The following ADAMTS9 variants were observed in gnomAD, a reference collection of about 807,000 sequenced individuals.
ADAMTS9 encodes the protein ADAM metallopeptidase with thrombospondin type 1 motif 9.
ADAMTS9 carries 107 observed loss-of-function variants against 257.1 expected under a neutral mutation model. That is an observed-to-expected ratio of 0.42 (90% CI 0.36 to 0.49). ADAMTS9 has a LOEUF of 0.49. Ranked by LOEUF, ADAMTS9 falls within the 20% of genes least tolerant of loss-of-function variation. The probability of loss-of-function intolerance (pLI) is 0.03; values close to 1 mark genes in which losing one functional copy is unlikely to be tolerated. For missense variants in ADAMTS9, 2,353 were observed against 2,469.1 expected (o/e 0.95, Z 1.00); for synonymous variants, 982 against 880.9 (o/e 1.11, Z -2.03).
At chr3:64,571,937 G>A (rs555353888) in intron 28 of ADAMTS9, among the ~76,000 whole-genome samples, 1 of 152,292 alleles carries the variant, frequency 6.6e-6, no homozygotes, top group African/African-American at 2.4e-5. Context: ...ACATCACCAT[G>A]TGTCACTGAG....
chr3:64,618,926 A>G (rs1293046696), intron 19 of ADAMTS9, among the ~76,000 whole-genome samples: 1 of 152,110 alleles, frequency 6.6e-6, no homozygotes, highest in Non-Finnish European at 1.5e-5. Flanking sequence ...AATGCAGGAG[A>G]AACTTTGGAG....
At chr3:64,622,623 T>G in intron 16 of ADAMTS9, 37 bp from the exon 17 acceptor site, 3 of 1,596,276 alleles carry the variant, frequency 1.9e-6, no homozygotes, top group Non-Finnish European at 2.6e-6. Flanking sequence ...ATTGATCTGC[T>G]GTCAATGACT....
chr3:64,630,725 C>T (rs557531949), intron 16 of ADAMTS9, among the ~76,000 whole-genome samples: 8 of 152,258 alleles, frequency 5.3e-5, no homozygotes, highest in Admixed American at 2.0e-4. Context: ...CCATGGCACA[C>T]GTTTACCTAT....
intron 3 of ADAMTS9, among the ~76,000 whole-genome samples, chr3:64,669,005 C>T (rs1201057992): frequency 9.2e-5 from 14 of 152,156 alleles, no homozygotes; most frequent in Admixed American, 8.5e-4. Flanking sequence ...ATCACAATGT[C>T]CATGTTCCAT....
chr3:64,538,473 T>A (rs1259740580), intron 37 of ADAMTS9, among the ~76,000 whole-genome samples: 2 of 150,462 alleles, frequency 1.3e-5, no homozygotes, highest in African/African-American at 2.4e-5. Context: ...AGTTAAACAT[T>A]AAATTAAAAA....
chr3:64,621,767 A>AATAAAAAT (rs1361184584), intron 18 of ADAMTS9, among the ~76,000 whole-genome samples: 28 of 128,322 alleles, frequency 2.2e-4, no homozygotes, highest in African/African-American at 8.9e-4. Context: ...ATCTCAAAAA[A>AATAAAAAT]ATAAAAAAAT....
intron 28 of ADAMTS9, among the ~76,000 whole-genome samples, chr3:64,575,332 C>G (rs1443080856): frequency 6.6e-6 from 1 of 152,180 alleles, no homozygotes; most frequent in East Asian, 1.9e-4. Context: ...CAAGGTCACA[C>G]AGCAGGGAAG....
intron 38 of ADAMTS9, among the ~76,000 whole-genome samples, chr3:64,528,052 C>G (rs143767767): frequency 6.6e-6 from 1 of 152,342 alleles, no homozygotes; most frequent in Non-Finnish European, 1.5e-5. Flanking sequence ...AGCCCTTGCT[C>G]TAGCCCAGGA....
chr3:64,646,900 T>A (rs559191916), intron 11 of ADAMTS9, among the ~76,000 whole-genome samples: 1 of 152,236 alleles, frequency 6.6e-6, no homozygotes, highest in Admixed American at 6.5e-5. Context: ...GACAAGTTAC[T>A]CATTGTGAGA....
At chr3:64,649,975 T>A (rs772134823) in intron 9 of ADAMTS9, 197 bp from the exon 10 acceptor site, 29 of 598,896 alleles carry the variant, frequency 4.8e-5, no homozygotes, top group Non-Finnish European at 7.6e-5. Context: ...TAGAACCACA[T>A]GCAATGAATA....
chr3:64,631,783 A>G (rs747192711), intron 15 of ADAMTS9, 25 bp downstream of exon 15: 4 of 1,571,864 alleles, frequency 2.5e-6, no homozygotes, highest in Non-Finnish European at 3.5e-6. Context: ...ATTCCTTCTC[A>G]TGGTTCTTAG....
At chr3:64,583,000 G>C (rs564567179) in intron 28 of ADAMTS9, 1 of 152,298 alleles carries the variant, frequency 6.6e-6, no homozygotes, top group African/African-American at 2.4e-5. Flanking sequence ...AGCTCTGTTT[G>C]AAACATAAAC....
intron 30 of ADAMTS9, among the ~76,000 whole-genome samples, chr3:64,560,818 T>A (rs1326613768): frequency 6.6e-6 from 1 of 152,184 alleles, no homozygotes; most frequent in Non-Finnish European, 1.5e-5. Context: ...TCAAGCAGCA[T>A]GCATTTTGTT....
chr3:64,519,767 C>T (rs1240574142), intron 39 of ADAMTS9, among the ~76,000 whole-genome samples: 1 of 152,094 alleles, frequency 6.6e-6, no homozygotes, highest in Non-Finnish European at 1.5e-5. Flanking sequence ...TAAAAACCTA[C>T]AAGGCATAAG....
chr3:64,612,764 AGAC>A (rs1317139136), intron 22 of ADAMTS9, among the ~76,000 whole-genome samples: 1 of 152,136 alleles, frequency 6.6e-6, no homozygotes, highest in Non-Finnish European at 1.5e-5. Context: ...AGCCCAAGGG[AGAC>A]TTTCACTCTC....
At chr3:64,682,477 A>G (rs887003721) in intron 2 of ADAMTS9, among the ~76,000 whole-genome samples, 7 of 152,206 alleles carry the variant, frequency 4.6e-5, no homozygotes, top group Non-Finnish European at 8.8e-5. Context: ...TGATACCTCA[A>G]GATTGAACCA....
At chr3:64,542,090 T>A in intron 32 of ADAMTS9, 120 bp from the exon 33 acceptor site, 1 of 1,325,156 alleles carries the variant, frequency 7.5e-7, no homozygotes, top group Non-Finnish European at 1.0e-6. Flanking sequence ...AGACCCTGTG[T>A]CGCTGAATAC....
chr3:64,603,886 C>A, intron 25 of ADAMTS9, 36 bp downstream of exon 25: 7 of 1,609,096 alleles, frequency 4.4e-6, no homozygotes, highest in Non-Finnish European at 6.0e-6. Context: ...AATGTTTCCC[C>A]CATTCCCCCT....
At chr3:64,654,314 T>A (rs1367635442) in intron 8 of ADAMTS9, 39 bp downstream of exon 8, 1 of 1,581,066 alleles carries the variant, frequency 6.3e-7, no homozygotes, top group Non-Finnish European at 8.7e-7. Context: ...AAGGTTTAGG[T>A]CACTCCAAAT....
Sources: allele counts gnomAD v4.1 joint callset (sites outside exome capture counted in the v4.1 genomes callset), GRCh38; gene constraint gnomAD v4.1.1; transcripts MANE v1.5; gene names NCBI Gene and HGNC (gene_info 2026-07-23, HGNC 2026-07-21).